LMCD1: variants seen among roughly 807,000 people sequenced by gnomAD.
The protein encoded by LMCD1 is LIM and cysteine-rich domains protein 1.
LMCD1 carries 32 observed loss-of-function variants against 42.7 expected under a neutral mutation model. The ratio of observed to expected loss-of-function variants is 0.75; its 90% CI spans 0.57 to 1.01. LMCD1 has a LOEUF of 1.01. Among genes scored for constraint, LMCD1 ranks in the 50% least tolerant of loss-of-function variants. The probability of loss-of-function intolerance (pLI) is 0.00; values close to 1 mark genes in which losing one functional copy is unlikely to be tolerated. For synonymous variants in LMCD1, 178 were observed against 184.9 expected, an observed-to-expected ratio of 0.96 and a Z score of 0.30; for missense variants, 458 against 483.1, an observed-to-expected ratio of 0.95 and a Z score of 0.49.
chr3:8,537,034 G>C, intron 2 of LMCD1, 151 bp from the exon 3 acceptor site: 1 of 765,612 alleles, frequency 1.3e-6, no homozygotes, highest in East Asian at 2.7e-5. Flanking sequence ...AATTCCAAAG[G>C]CCTTTTTGTC....
At chr3:8,527,271 T>C (rs1694318483) in intron 1 of LMCD1, among the ~76,000 whole-genome samples, 1 of 152,122 alleles carries the variant, frequency 6.6e-6, no homozygotes, top group Non-Finnish European at 1.5e-5. Flanking sequence ...AAAGGTAGAT[T>C]TAGGATACCC....
intron 3 of LMCD1, among the ~76,000 whole-genome samples, chr3:8,538,936 A>G (rs1010318834): frequency 3.3e-5 from 5 of 152,198 alleles, no homozygotes; most frequent in Admixed American, 6.5e-5. Context: ...GCTCTTCCGC[A>G]CAGTCTTTGT....
intron 4 of LMCD1, among the ~76,000 whole-genome samples, chr3:8,554,814 T>C (rs1694902098): frequency 6.6e-6 from 1 of 152,050 alleles, no homozygotes; most frequent in Non-Finnish European, 1.5e-5. Flanking sequence ...ATTTCCCGGG[T>C]ATGGTCATTT....
Position 8,518,925 on chromosome 3 carries a change from A to T in LMCD1, c.43-13812A>T, listed in dbSNP as rs182011316. Reference sequence around the variant, plus strand: ...AACTCCCCTTTTGGGCATCATCCTCAGATGCAGGATATCTAACATATATTA... The same window carrying T: ...AACTCCCCTTTTGGGCATCATCCTCTGATGCAGGATATCTAACATATATTA... On this transcript the variant is annotated intron_variant, in intron 1 of 5. Transcript: ENST00000157600. Among the ~76,000 whole-genome samples the T allele has an allele frequency of 2.2e-4, 33 of 152,312 alleles. No homozygotes were observed. The East Asian group carries it at 6.2e-3, about 29-fold the overall frequency.
chr3:8,527,445 A>G (rs893807237), intron 1 of LMCD1, among the ~76,000 whole-genome samples: 1 of 152,206 alleles, frequency 6.6e-6, no homozygotes, highest in Non-Finnish European at 1.5e-5. Flanking sequence ...AGAATTACTA[A>G]GTAAAATCAC....
chr3:8,527,423 T>A lies in LMCD1; in HGVS notation c.43-5314T>A, dbSNP rs1329907057. Among the ~76,000 whole-genome samples the A allele has an allele frequency of 2.6e-5, 4 of 152,188 alleles. No individual in the cohort carries two copies. The South Asian group carries it at 6.2e-4, about 24-fold the overall frequency. Reference sequence around the variant, plus strand: ...AATTATACTTCAGTGGGAAGTCATATTATTAAATAAGAGAATTACTAAGTA... The same window carrying A: ...AATTATACTTCAGTGGGAAGTCATAATATTAAATAAGAGAATTACTAAGTA... On this transcript the variant is annotated intron_variant, in intron 1 of 5. Coordinates refer to ENST00000157600, the MANE Select transcript of LMCD1 (RefSeq NM_014583.4).
rs545788006 is a variant in LMCD1, at chr3:8,569,198, T to C, written c.*1600T>C. 2.0e-5 allele frequency: 3 copies of C among 152,364 alleles called. No homozygotes were observed. The highest frequency in any genetic ancestry group is 7.2e-5 in the African/African-American group (3 of 41,582). 9.4% of individuals were successfully genotyped at this position (152,364 alleles called of 1,614,324 possible). ...GTCTTTCTGGCCTTGGAGCCCTTTATTTCCCTAGATTTCTAGTTCCCTATT... is the reference window on the plus strand; with the variant it reads ...GTCTTTCTGGCCTTGGAGCCCTTTACTTCCCTAGATTTCTAGTTCCCTATT... On this transcript the variant is annotated 3_prime_UTR_variant, in exon 6 of 6. Coordinates refer to ENST00000157600, the MANE Select transcript of LMCD1 (RefSeq NM_014583.4).
At chr3:8,515,125 C>A (rs1391160378) in intron 1 of LMCD1, 2 of 424,042 alleles carry the variant, frequency 4.7e-6, no homozygotes, top group Non-Finnish European at 4.8e-6. Context: ...CCTGCTGCAG[C>A]CCCCTGGAGG....
At position 8,548,628 on chromosome 3, in the gene LMCD1, G is replaced by A; in HGVS notation, c.448G>A (p.Ala150Thr). The A allele has an allele frequency of 2.5e-6, 4 of 1,614,172 alleles. No homozygotes were observed. In the South Asian group the frequency reaches 3.3e-5, roughly 13 times the overall value. ...EKQPVTGTEG[A>T]FYRRRQLMHQ... Reference sequence around the variant, plus strand: ...GCAGCCAGTGACAGGCACAGAGGGTGCCTTTTACCGCCGCCGCCAGCTCAT... The same window carrying A: ...GCAGCCAGTGACAGGCACAGAGGGTACCTTTTACCGCCGCCGCCAGCTCAT... The change falls in exon 4 of 6, where the codon GCC becomes ACC. Residue 150 changes from alanine to threonine, a missense_variant. Physicochemically the swap from Ala to Thr is moderately conservative, Grantham distance 58. Transcript: ENST00000157600.
intron 2 of LMCD1, among the ~76,000 whole-genome samples, chr3:8,533,972 C>A (rs113652709): frequency 6.6e-6 from 1 of 151,868 alleles, no homozygotes; most frequent in South Asian, 2.1e-4. Flanking sequence ...AGGCTTCTAT[C>A]CCCTTCAAAA....
chr3:8,502,195 T>C (rs1693737554), intron 1 of LMCD1, among the ~76,000 whole-genome samples: 1 of 137,654 alleles, frequency 7.3e-6, no homozygotes, highest in Non-Finnish European at 1.5e-5. Context: ...GGGTCTTATG[T>C]CTTTGGTGAT....
intron 1 of LMCD1, among the ~76,000 whole-genome samples, chr3:8,527,593 G>C (rs184301654): frequency 9.1e-4 from 139 of 152,282 alleles, no homozygotes; most frequent in African/African-American, 3.2e-3. Context: ...CCCTAGGGAA[G>C]GGTTTGTTTT....
At chr3:8,543,311 C>G (rs1694664093) in intron 3 of LMCD1, among the ~76,000 whole-genome samples, 1 of 152,074 alleles carries the variant, frequency 6.6e-6, no homozygotes, top group Non-Finnish European at 1.5e-5. Context: ...ACTCACTGCC[C>G]CGAGAGAAGC....
At chr3:8,557,216 T>C (rs1206585031) in intron 4 of LMCD1, among the ~76,000 whole-genome samples, 1 of 152,092 alleles carries the variant, frequency 6.6e-6, no homozygotes, top group Non-Finnish European at 1.5e-5. Flanking sequence ...ATGCCAGAAA[T>C]GATGTTAGAC....
At chr3:8,558,070 G>C (rs1228331294) in intron 4 of LMCD1, among the ~76,000 whole-genome samples, 2 of 152,200 alleles carry the variant, frequency 1.3e-5, no homozygotes, top group Non-Finnish European at 2.9e-5. Flanking sequence ...CTGAGAGAGA[G>C]AGCCCAGGGG....
intron 4 of LMCD1, among the ~76,000 whole-genome samples, chr3:8,564,295 C>T (rs1255489534): frequency 6.6e-6 from 1 of 152,088 alleles, no homozygotes; most frequent in Non-Finnish European, 1.5e-5. Context: ...GACAAGGTCT[C>T]ACTCTGTCAC....
At chr3:8,527,124 G>A (rs551197027) in intron 1 of LMCD1, among the ~76,000 whole-genome samples, 26 of 152,310 alleles carry the variant, frequency 1.7e-4, no homozygotes, top group African/African-American at 2.4e-4. Flanking sequence ...ATCTCATAAG[G>A]TTGTCAAGAA....
intron 3 of LMCD1, among the ~76,000 whole-genome samples, chr3:8,546,581 G>A (rs1434120232): frequency 6.6e-6 from 1 of 152,236 alleles, no homozygotes; most frequent in Non-Finnish European, 1.5e-5. Flanking sequence ...CTTTGCTCTT[G>A]CTACTATGGT....
chr3:8,561,389 T>G (rs73022322), intron 4 of LMCD1, among the ~76,000 whole-genome samples: 7,363 of 152,200 alleles, frequency 0.048, 231 homozygotes, highest in Non-Finnish European at 0.073. Context: ...GAGTTTTTTT[T>G]TTTTTTTTTC....
Sources: gnomAD v4.1 joint callset for allele counts (sites outside exome capture counted in the v4.1 genomes callset) on GRCh38, gnomAD v4.1.1 for gene constraint, MANE v1.5 for transcripts, NCBI Gene and HGNC (gene_info 2026-07-23, HGNC 2026-07-21) for gene names.